The following TCF12 variants were observed in gnomAD, a reference collection of about 807,000 sequenced individuals.
The protein encoded by TCF12 is DNA-binding protein HTF4.
TCF12 carries 45 observed loss-of-function variants against 86.0 expected under a neutral mutation model. The ratio of observed to expected loss-of-function variants is 0.52; its 90% confidence interval spans 0.41 to 0.67. The LOEUF is 0.67. Among genes scored for constraint, TCF12 ranks in the 30% least tolerant of loss-of-function variants. TCF12 has a pLI of 0.00. For missense variants in TCF12, 881 were observed against 859.9 expected (o/e 1.02, Z -0.31); for synonymous variants, 330 against 299.6 (o/e 1.10, Z -1.05).
chr15:57,029,317 A>G (rs749491996), intron 3 of TCF12, among the ~76,000 whole-genome samples: 1 of 151,862 alleles, frequency 6.6e-6, no homozygotes, highest in Non-Finnish European at 1.5e-5. Context: ...CTATTCTTGT[A>G]TTAATCATTA....
chr15:56,941,702 T>C (rs1320152286), intron 3 of TCF12, among the ~76,000 whole-genome samples: 1 of 151,418 alleles, frequency 6.6e-6, no homozygotes, highest in African/African-American at 2.4e-5. Context: ...TTTTTTTTAT[T>C]AGGAATTGAG....
At chr15:57,072,831 T>G in intron 4 of TCF12, 3 of 633,620 alleles carry the variant, frequency 4.7e-6, no homozygotes, top group Non-Finnish European at 6.5e-6. Flanking sequence ...AAGGGTGTGT[T>G]TTAAAGTTAG....
At chr15:57,285,350 T>C (rs1291172229) in intron 20 of TCF12, among the ~76,000 whole-genome samples, 1 of 152,224 alleles carries the variant, frequency 6.6e-6, no homozygotes, top group Non-Finnish European at 1.5e-5. Context: ...ACTATTTTAT[T>C]AAAAATTTAA....
At chr15:57,026,580 C>A (rs114764706) in intron 3 of TCF12, among the ~76,000 whole-genome samples, 1,753 of 152,290 alleles carry the variant, frequency 0.012, 32 homozygotes, top group African/African-American at 0.039. Flanking sequence ...GAAAAACATT[C>A]AACTCAGTAA....
intron 5 of TCF12, among the ~76,000 whole-genome samples, chr15:57,148,701 C>CAA (rs61526953): frequency 0.017 from 2,072 of 124,262 alleles, 40 homozygotes; most frequent in Admixed American, 0.02. Context: ...GGTGACGTGG[C>CAA]AAAAAAAAAA....
chr15:56,922,197 G>T (rs2059825087), intron 3 of TCF12, among the ~76,000 whole-genome samples: 1 of 151,858 alleles, frequency 6.6e-6, no homozygotes. Context: ...TACTGGTGTT[G>T]ATACATCTCA....
At chr15:56,925,833 A>C (rs2059986561) in intron 3 of TCF12, among the ~76,000 whole-genome samples, 1 of 152,270 alleles carries the variant, frequency 6.6e-6, no homozygotes, top group Non-Finnish European at 1.5e-5. Context: ...GTTTGTGTTT[A>C]GGGAAGATAA....
chr15:57,169,407 CAG>C (rs1369090176), intron 6 of TCF12, among the ~76,000 whole-genome samples: 5 of 152,066 alleles, frequency 3.3e-5, no homozygotes, highest in African/African-American at 1.2e-4. Flanking sequence ...GGGGGTAAGA[CAG>C]AGGTTTAGAG....
chr15:57,285,886 C>G (rs550595261), intron 20 of TCF12, among the ~76,000 whole-genome samples: 4 of 152,260 alleles, frequency 2.6e-5, no homozygotes, highest in African/African-American at 9.6e-5. Flanking sequence ...CATGATCATG[C>G]CACTGCGCTC....
intron 3 of TCF12, among the ~76,000 whole-genome samples, chr15:56,968,369 T>G (rs1489272424): frequency 7.9e-5 from 12 of 151,860 alleles, no homozygotes; most frequent in South Asian, 2.1e-4. Flanking sequence ...TTTTTGTTTT[T>G]TTTTTTTTTG....
intron 6 of TCF12, among the ~76,000 whole-genome samples, chr15:57,178,083 T>G (rs1404260639): frequency 3.3e-5 from 5 of 152,206 alleles, no homozygotes; most frequent in Admixed American, 6.5e-5. Context: ...GGTAGAGATT[T>G]GATGCCATCT....
In TCF12 at chr15:57,123,968, C is replaced by CAAAAAAAAAAAA. The variant is rs71113066; in HGVS notation, c.325+32080_325+32091dup. ...TGGGCGACAGAGTGAGACTCCGTCT[C>CAAAAAAAAAAAA]AAAAAAAAAAAAAATTTTTTTTTTT... On this transcript the variant is annotated intron_variant, in intron 5 of 20. Coordinates refer to ENST00000333725, the MANE Select transcript of TCF12 (RefSeq NM_207037.2). Among the ~76,000 whole-genome samples, 39 of 81,076 alleles carry CAAAAAAAAAAAA rather than the reference C, an allele frequency of 4.8e-4. 2 individuals carry two copies. Among genetic ancestry groups the CAAAAAAAAAAAA allele is most frequent in the African/African-American group, 1.2e-3 (28 of 24,238 alleles). The allele number at this position is 81,076 out of a possible 152,430, so 53.2% of individuals were successfully genotyped here.
chr15:57,238,586 C>G (rs116128446), intron 12 of TCF12, among the ~76,000 whole-genome samples: 1,758 of 152,292 alleles, frequency 0.012, 32 homozygotes, highest in African/African-American at 0.04. Context: ...CTTGGTATTT[C>G]TGTTGCTGAC....
At chr15:56,957,350 T>TTA (rs1453930360) in intron 3 of TCF12, among the ~76,000 whole-genome samples, 41 of 152,072 alleles carry the variant, frequency 2.7e-4, no homozygotes, top group Admixed American at 7.2e-4. Flanking sequence ...GAAACTCTAA[T>TTA]TATATATATA....
At chr15:57,248,225 C>T (rs1018666085) in intron 13 of TCF12, 20 of 638,908 alleles carry the variant, frequency 3.1e-5, no homozygotes, top group African/African-American at 2.2e-4. Context: ...AGAAATGGTG[C>T]CACCATGTTT....
intron 3 of TCF12, among the ~76,000 whole-genome samples, chr15:56,956,266 T>TC (rs1491189408): frequency 2.6e-5 from 4 of 151,916 alleles, no homozygotes; most frequent in Admixed American, 2.0e-4. Context: ...TTTCTTTTTA[T>TC]CTCGTGTGTT....
intron 8 of TCF12, among the ~76,000 whole-genome samples, chr15:57,229,603 A>G (rs1196523477): frequency 1.3e-5 from 2 of 151,930 alleles, no homozygotes; most frequent in Non-Finnish European, 2.9e-5. Context: ...TGTATATATA[A>G]CTAAGCTCAT....
Position 57,224,546 on chromosome 15 carries a change from G to T in TCF12, c.580-6606G>T, listed in dbSNP as rs562142180. ...AAACCAGTAATGTTCACCTGTGTTTGTTACACAGTAAGAGCAGCAGTTGGT... is the reference window on the plus strand; with the variant it reads ...AAACCAGTAATGTTCACCTGTGTTTTTTACACAGTAAGAGCAGCAGTTGGT... On this transcript the variant is annotated intron_variant, in intron 8 of 20. Coordinates refer to ENST00000333725, the MANE Select transcript of TCF12 (RefSeq NM_207037.2). Among the ~76,000 whole-genome samples, 3 of 152,248 alleles carry T rather than the reference G, an allele frequency of 2.0e-5. No individual in the cohort carries two copies. In the South Asian group the frequency reaches 6.2e-4, roughly 32 times the overall value.
rs541991777 is a variant in TCF12 at position 57,216,021 on chromosome 15, C to T, written c.580-15131C>T. On this transcript the variant is annotated intron_variant, in intron 8 of 20. Coordinates refer to ENST00000333725, the MANE Select transcript of TCF12 (RefSeq NM_207037.2). ...GTAGACTTTTTGAAAACATCTTTTCCTATATCGTCAGTAAAGAAGTAACTT... is the reference window on the plus strand; with the variant it reads ...GTAGACTTTTTGAAAACATCTTTTCTTATATCGTCAGTAAAGAAGTAACTT... Among the ~76,000 whole-genome samples, 3 of 152,184 alleles carry T rather than the reference C, an allele frequency of 2.0e-5. No individual in the cohort carries two copies. The South Asian group carries it at 6.2e-4, about 32-fold the overall frequency.
Sources: allele counts gnomAD v4.1 joint callset (sites outside exome capture counted in the v4.1 genomes callset), GRCh38; gene constraint gnomAD v4.1.1; transcripts MANE v1.5; gene names NCBI Gene and HGNC (gene_info 2026-07-23, HGNC 2026-07-21).